GPHN: variants seen among roughly 807,000 people sequenced by gnomAD.
GPHN encodes the protein gephyrin.
GPHN carries 17 observed loss-of-function variants against 95.5 expected under a neutral mutation model. The observed-to-expected ratio is 0.18, with a 90% confidence interval of 0.12 to 0.27. The LOEUF (loss-of-function observed/expected upper bound fraction) is 0.27, where lower values mean the gene tolerates loss of function less well. Ranked by LOEUF, GPHN falls within the 10% of genes least tolerant of loss-of-function variation. GPHN has a pLI of 1.00. For synonymous variants in GPHN, 320 were observed against 322.5 expected (o/e 0.99, Z 0.08); for missense variants, 660 against 978.1 (o/e 0.67, Z 4.34).
chr14:66,584,306 C>T (rs2061331534), intron 1 of GPHN, among the ~76,000 whole-genome samples: 1 of 152,148 alleles, frequency 6.6e-6, no homozygotes, highest in South Asian at 2.1e-4. Flanking sequence ...ATGGGGTTTT[C>T]TAGTTATACA....
At chr14:67,144,245 AAAAAAATAT>A (rs1408791864) in intron 18 of GPHN, among the ~76,000 whole-genome samples, 1 of 66,670 alleles carries the variant, frequency 1.5e-5, no homozygotes, top group Non-Finnish European at 2.2e-5. Flanking sequence ...TTAAAAAAAA[AAAAAAATAT>A]ATATATATAT....
intron 4 of GPHN, among the ~76,000 whole-genome samples, chr14:66,861,442 G>A (rs986217014): frequency 4.6e-5 from 7 of 152,018 alleles, no homozygotes; most frequent in South Asian, 2.1e-4. Context: ...AGATCATGCA[G>A]ACAGAAAATC....
chr14:66,508,526 A>G lies in GPHN; in HGVS notation c.-2A>G. The G allele has an allele frequency of 1.2e-6, 2 of 1,614,020 alleles. No individual in the cohort carries two copies. Among genetic ancestry groups the G allele is most frequent in the Non-Finnish European group, 8.5e-7 (1 of 1,179,874 alleles). Reference sequence around the variant, plus strand: ...GTCAGTGCGGTGACTGCGCTGGGAAACATGGCGACCGAGGGAATGATCCTT... The same window carrying G: ...GTCAGTGCGGTGACTGCGCTGGGAAGCATGGCGACCGAGGGAATGATCCTT... On this transcript the variant is annotated 5_prime_UTR_variant, in exon 1 of 23. Transcript: ENST00000478722.
chr14:66,606,215 G>C (rs1484832669), intron 1 of GPHN, among the ~76,000 whole-genome samples: 1 of 152,134 alleles, frequency 6.6e-6, no homozygotes, highest in Non-Finnish European at 1.5e-5. Flanking sequence ...CATGTGGCTA[G>C]ACAGTTATCC....
chr14:67,417,513 C>T, the GPHN span, among the ~76,000 whole-genome samples: 1 of 151,836 alleles, frequency 6.6e-6, no homozygotes, highest in Non-Finnish European at 1.5e-5. Flanking sequence ...CTCACTGCAG[C>T]CTCCACCTCC....
chr14:66,793,349 G>A (rs984527117), intron 3 of GPHN, among the ~76,000 whole-genome samples: 4 of 152,178 alleles, frequency 2.6e-5, no homozygotes, highest in Non-Finnish European at 5.9e-5. Context: ...AAAGAAGATG[G>A]GTGGAAGCAA....
chr14:67,157,767 G>A (rs983319964), intron 18 of GPHN, among the ~76,000 whole-genome samples: 4 of 151,616 alleles, frequency 2.6e-5, no homozygotes, highest in Admixed American at 1.3e-4. Flanking sequence ...GGCGAAGGTC[G>A]CAGTGAGCCG....
chr14:66,918,778 A>G lies in GPHN; in HGVS notation c.456+2709A>G, dbSNP rs544807829. ...GAGATCACTCCCAGAAGCTGAGTGT[A>G]AAGACCAGACCTCTCCTCGGTCAAG... On this transcript the variant is annotated intron_variant, in intron 6 of 22. Coordinates refer to ENST00000478722, the MANE Select transcript of GPHN (RefSeq NM_020806.5). 1.2e-4 allele frequency among the ~76,000 whole-genome samples: 18 copies of G among 152,174 alleles called. No homozygotes were observed. In the East Asian group the frequency reaches 1.5e-3, roughly 13 times the overall value.
At chr14:67,671,112 G>C in the GPHN span, among the ~76,000 whole-genome samples, 1 of 152,202 alleles carries the variant, frequency 6.6e-6, no homozygotes, top group African/African-American at 2.4e-5. Flanking sequence ...AACATTTATT[G>C]AGCAGTGTGA....
At chr14:66,954,588 C>T (rs2068354419) in intron 8 of GPHN, among the ~76,000 whole-genome samples, 1 of 152,140 alleles carries the variant, frequency 6.6e-6, no homozygotes, top group South Asian at 2.1e-4. Context: ...TATAGTTCTA[C>T]GTCCTTTCCA....
chr14:67,047,367 T>TGTGTTTG (rs1280416718), intron 10 of GPHN, among the ~76,000 whole-genome samples: 2 of 82,842 alleles, frequency 2.4e-5, no homozygotes, highest in African/African-American at 7.6e-5. Flanking sequence ...TGTGTGTTTG[T>TGTGTTTG]TTTTTTTTTT....
chr14:66,674,103 C>CTTT (rs370219778), intron 1 of GPHN, among the ~76,000 whole-genome samples: 3 of 143,434 alleles, frequency 2.1e-5, no homozygotes, highest in East Asian at 2.0e-4. Context: ...TTTTTCTTTT[C>CTTT]TTTTTTTTTT....
chr14:67,354,308 G>C, the GPHN span, among the ~76,000 whole-genome samples: 1 of 152,118 alleles, frequency 6.6e-6, no homozygotes, highest in Admixed American at 6.5e-5. Flanking sequence ...TGCCAACATA[G>C]TTTAAATACT....
chr14:67,199,572 C>T, the GPHN span: 1 of 1,597,680 alleles, frequency 6.3e-7, no homozygotes, highest in Non-Finnish European at 8.6e-7. Context: ...TGTAACCACC[C>T]TATCACCGTA....
chr14:67,569,926 A>T, the GPHN span: 2 of 1,604,942 alleles, frequency 1.2e-6, no homozygotes, highest in Admixed American at 1.7e-5. Context: ...CTCAGCTTCA[A>T]GCCCTCCTGC....
chr14:67,657,751 CTTTTT>C, the GPHN span, among the ~76,000 whole-genome samples: 2 of 115,128 alleles, frequency 1.7e-5, no homozygotes, highest in Non-Finnish European at 1.7e-5. Context: ...TTCTTTCTTT[CTTTTT>C]TTTTTTTTTT....
chr14:67,455,547 C>G, the GPHN span, among the ~76,000 whole-genome samples: 4 of 152,194 alleles, frequency 2.6e-5, no homozygotes, highest in African/African-American at 7.2e-5. Flanking sequence ...TCTCATCTCT[C>G]CTATGGATCA....
At chr14:67,471,494 G>GA in the GPHN span, 1 of 152,062 alleles carries the variant, frequency 6.6e-6, no homozygotes, top group African/African-American at 2.4e-5. Context: ...CCTATAGATG[G>GA]AAAACAATCT....
At chr14:67,210,294 A>G in the GPHN span, among the ~76,000 whole-genome samples, 1 of 152,164 alleles carries the variant, frequency 6.6e-6, no homozygotes, top group African/African-American at 2.4e-5. Flanking sequence ...AATTTCAATG[A>G]AAAGAGCTAT....
Sources: allele counts gnomAD v4.1 joint callset (sites outside exome capture counted in the v4.1 genomes callset), GRCh38; gene constraint gnomAD v4.1.1; transcripts MANE v1.5; gene names NCBI Gene and HGNC (gene_info 2026-07-23, HGNC 2026-07-21).